The following CRYBG3 variants were observed in gnomAD, a reference collection of about 807,000 sequenced individuals.
The protein encoded by CRYBG3 is very large A-kinase anchor protein.
CRYBG3 carries 127 observed loss-of-function variants against 244.2 expected under a neutral mutation model. The ratio of observed to expected loss-of-function variants is 0.52; its 90% CI spans 0.45 to 0.60. The LOEUF is 0.60. Among genes scored for constraint, CRYBG3 ranks in the 20% least tolerant of loss-of-function variants. CRYBG3 has a pLI of 0.00. For synonymous variants in CRYBG3, 1,132 were observed against 1,195.8 expected (o/e 0.95, Z 1.10); for missense variants, 3,325 against 3,442.5 (o/e 0.97, Z 0.85).
intron 18 of CRYBG3, among the ~76,000 whole-genome samples, chr3:97,936,143 C>A (rs1180911296): frequency 6.6e-6 from 1 of 152,022 alleles, no homozygotes; most frequent in East Asian, 1.9e-4. Flanking sequence ...CAAGAGCAGC[C>A]GTAGGCAATC....
At chr3:97,896,964 T>G (rs1464210607) in intron 12 of CRYBG3, among the ~76,000 whole-genome samples, 1 of 152,026 alleles carries the variant, frequency 6.6e-6, no homozygotes. Flanking sequence ...AAGGGCCATA[T>G]TGAGTAGTTA....
rs1398556137 is a variant in CRYBG3 at position 97,909,286 on chromosome 3, C to T, written c.8005-2881C>T. Among the ~76,000 whole-genome samples, 144 of 145,534 alleles carry T rather than the reference C, an allele frequency of 9.9e-4. No homozygotes were observed. In the Middle Eastern group the frequency reaches 0.027, roughly 28 times the overall value. On this transcript the variant is annotated intron_variant, in intron 15 of 21. Coordinates refer to ENST00000389622, the MANE Select transcript of CRYBG3 (RefSeq NM_153605.4). ...GTTCTCTGTATTTCCTGAATCTGAACGTTGGCCTGCCTTGCTAGATTGGGG... is the reference window on the plus strand; with the variant it reads ...GTTCTCTGTATTTCCTGAATCTGAATGTTGGCCTGCCTTGCTAGATTGGGG...
At position 97,929,301 on chromosome 3, in the gene CRYBG3, G is replaced by A. The variant is rs183905605; in HGVS notation, c.8242-4393G>A. On this transcript the variant is annotated intron_variant, in intron 17 of 21. Coordinates refer to ENST00000389622, the MANE Select transcript of CRYBG3 (RefSeq NM_153605.4). ...TTTTTTTTTTATGCTTGGAAAGTTC[G>A]GATTACTGTGTCATCTTCAGTTTTA... Among the ~76,000 whole-genome samples the A allele has an allele frequency of 2.4e-4, 37 of 151,798 alleles. No individual in the cohort carries two copies. The East Asian group carries it at 3.7e-3, about 15-fold the overall frequency.
chr3:97,826,698 A>G (rs760410922), intron 1 of CRYBG3, among the ~76,000 whole-genome samples: 6 of 152,356 alleles, frequency 3.9e-5, no homozygotes, highest in Middle Eastern at 6.8e-3. Context: ...TGTTCAATCC[A>G]TAAGTTAGAG....
rs1050202120 is a variant in CRYBG3, at chr3:97,869,766, A to G, written c.648-2076A>G. On this transcript the variant is annotated intron_variant, in intron 3 of 21. Transcript: ENST00000389622. ...GCTTTATAATGGACAATAAAAATAA[A>G]TGAATATAACTAACATAATTTTTTA... 5.3e-5 allele frequency among the ~76,000 whole-genome samples: 8 copies of G among 152,180 alleles called. No individual in the cohort carries two copies. In the South Asian group the frequency reaches 1.0e-3, roughly 20 times the overall value.
rs142999114 is a variant in CRYBG3 at position 97,830,110 on chromosome 3, A to C, written c.149+7755A>C. 5.9e-5 allele frequency among the ~76,000 whole-genome samples: 9 copies of C among 152,330 alleles called. 1 individual carries two copies. Among genetic ancestry groups the C allele is most frequent in the African/African-American group, 2.2e-4 (9 of 41,574 alleles). On this transcript the variant is annotated intron_variant, in intron 1 of 21. Coordinates refer to ENST00000389622, the MANE Select transcript of CRYBG3 (RefSeq NM_153605.4). Reference sequence around the variant, plus strand: ...ATCATTATAAATGGAAGATTAAATAAACCTGTAGATTTCTATGAATATTTA... The same window carrying C: ...ATCATTATAAATGGAAGATTAAATACACCTGTAGATTTCTATGAATATTTA...
At chr3:97,902,659 A>G (rs1285943135) in intron 15 of CRYBG3, among the ~76,000 whole-genome samples, 1 of 151,990 alleles carries the variant, frequency 6.6e-6, no homozygotes, top group African/African-American at 2.4e-5. Flanking sequence ...CTCTGTGCCC[A>G]TATGTTCTCA....
At chr3:97,825,121 G>T (rs1055382525) in intron 1 of CRYBG3, among the ~76,000 whole-genome samples, 1 of 152,168 alleles carries the variant, frequency 6.6e-6, no homozygotes, top group African/African-American at 2.4e-5. Context: ...TACATTAATG[G>T]GACAGAGTGA....
At chr3:97,910,542 T>G (rs1344838372) in intron 15 of CRYBG3, among the ~76,000 whole-genome samples, 1 of 152,192 alleles carries the variant, frequency 6.6e-6, no homozygotes, top group Non-Finnish European at 1.5e-5. Flanking sequence ...TTTCTTTGAC[T>G]CAGAAAGGGA....
intron 17 of CRYBG3, among the ~76,000 whole-genome samples, chr3:97,925,033 C>T (rs974871332): frequency 6.6e-6 from 1 of 152,118 alleles, no homozygotes; most frequent in South Asian, 2.1e-4. Flanking sequence ...TGGTGGCTCA[C>T]ATCTGTAATT....
chr3:97,858,165 GTTTT>G (rs71113873), intron 2 of CRYBG3, among the ~76,000 whole-genome samples: 1 of 139,826 alleles, frequency 7.2e-6, no homozygotes, highest in Non-Finnish European at 1.6e-5. Flanking sequence ...TTTTAGTTGA[GTTTT>G]TTTTTTTTTT....
At chr3:97,916,437 A>G (rs1469014135) in intron 17 of CRYBG3, among the ~76,000 whole-genome samples, 1 of 152,110 alleles carries the variant, frequency 6.6e-6, no homozygotes, top group Admixed American at 6.6e-5. Flanking sequence ...AGAATTTCAA[A>G]TGTGAGATAA....
In CRYBG3 at chr3:97,943,644, A is replaced by T; in HGVS notation, c.*330A>T. 1 of 278,970 alleles carries T rather than the reference A, an allele frequency of 3.6e-6. No individual in the cohort carries two copies. Among genetic ancestry groups the T allele is most frequent in the Non-Finnish European group, 6.6e-6 (1 of 151,230 alleles). 17.3% of individuals were successfully genotyped at this position (278,970 alleles called of 1,614,324 possible). A position where few individuals can be genotyped will look rare whatever the true frequency, so the allele number is the denominator to read the frequency against. ...TGAATCCTGTTCCTGATGGCCCGTT[A>T]TTGGACACTGGTGATGCTATTATCC... On this transcript the variant is annotated 3_prime_UTR_variant, in exon 22 of 22. Coordinates refer to ENST00000389622, the MANE Select transcript of CRYBG3 (RefSeq NM_153605.4).
At chr3:97,923,191 G>C (rs1040164922) in intron 17 of CRYBG3, among the ~76,000 whole-genome samples, 3 of 152,038 alleles carry the variant, frequency 2.0e-5, no homozygotes, top group Non-Finnish European at 2.9e-5. Flanking sequence ...CCTGTCATGG[G>C]GTTGGGGGAG....
intron 2 of CRYBG3, among the ~76,000 whole-genome samples, chr3:97,863,039 GA>G (rs1316975880): frequency 6.6e-6 from 1 of 152,160 alleles, no homozygotes; most frequent in African/African-American, 2.4e-5. Context: ...GGAATGAGGT[GA>G]AAAAATGACA....
At chr3:97,926,757 G>T (rs1040481705) in intron 17 of CRYBG3, among the ~76,000 whole-genome samples, 3 of 151,990 alleles carry the variant, frequency 2.0e-5, no homozygotes, top group Admixed American at 1.3e-4. Flanking sequence ...AAAATCAGTA[G>T]CATTTCTATA....
chr3:97,875,710 A>C lies in CRYBG3; in HGVS notation c.4516A>C (p.Lys1506Gln). The C allele has an allele frequency of 8.1e-7, 1 of 1,232,366 alleles. No individual in the cohort carries two copies. The allele number at this position is 1,232,366 out of a possible 1,614,324, so 76.3% of individuals were successfully genotyped here. Residue 1506 changes from lysine to glutamine, a missense_variant, in exon 4 of 22, where the codon AAA becomes CAA. By Grantham distance (53) the Lys-to-Gln change is moderately conservative. Coordinates refer to ENST00000389622, the MANE Select transcript of CRYBG3 (RefSeq NM_153605.4). ...TGATAGCCTTGTATGTATATCTGAA[A>C]AAAACTTGCCAGGACACAGTAAAAA... is the stretch of plus-strand genomic sequence containing the variant. ...LSDSLVCISEKNLPGHSKNTP... is the reference protein window; with the variant it reads ...LSDSLVCISEQNLPGHSKNTP...
At chr3:97,849,241 A>G (rs1035829823) in intron 2 of CRYBG3, among the ~76,000 whole-genome samples, 2 of 152,226 alleles carry the variant, frequency 1.3e-5, no homozygotes, top group African/African-American at 4.8e-5. Context: ...CCTTCTTGCC[A>G]TATAAAGTCT....
chr3:97,883,205 C>G (rs2039470095), intron 7 of CRYBG3, among the ~76,000 whole-genome samples: 1 of 152,144 alleles, frequency 6.6e-6, no homozygotes, highest in South Asian at 2.1e-4. Context: ...GCCTAGTATA[C>G]TGCAAGGAGA....
Sources: allele counts gnomAD v4.1 joint callset (sites outside exome capture counted in the v4.1 genomes callset), GRCh38; gene constraint gnomAD v4.1.1; transcripts MANE v1.5; gene names NCBI Gene and HGNC (gene_info 2026-07-23, HGNC 2026-07-21).